The following CLSTN2 variants were observed in gnomAD, a reference collection of about 807,000 sequenced individuals.
CLSTN2 encodes the protein calsyntenin-2.
A neutral mutation model predicts 101.2 loss-of-function variants in CLSTN2; 48 were observed. The ratio of observed to expected loss-of-function variants is 0.47; its 90% CI spans 0.38 to 0.60. The LOEUF is 0.60. Ranked by LOEUF, CLSTN2 falls within the 20% of genes least tolerant of loss-of-function variation. The pLI is 0.00. For synonymous variants in CLSTN2, 481 were observed against 463.6 expected, an observed-to-expected ratio of 1.04 and a Z score of -0.48; for missense variants, 1,160 against 1,238.2, an observed-to-expected ratio of 0.94 and a Z score of 0.95.
chr3:140,402,497 G>A (rs577513158), intron 2 of CLSTN2, among the ~76,000 whole-genome samples: 1 of 152,302 alleles, frequency 6.6e-6, no homozygotes, highest in South Asian at 2.1e-4. Context: ...TACAAAGCTT[G>A]GTGCCTGGTG....
chr3:140,289,801 C>A (rs2086931994), intron 2 of CLSTN2, among the ~76,000 whole-genome samples: 1 of 151,820 alleles, frequency 6.6e-6, no homozygotes, highest in Admixed American at 6.6e-5. Flanking sequence ...TATAACCCTG[C>A]CAATAATCTC....
intron 2 of CLSTN2, among the ~76,000 whole-genome samples, chr3:140,316,360 A>G (rs555968907): frequency 7.4e-4 from 112 of 152,308 alleles, no homozygotes; most frequent in African/African-American, 2.4e-3. Context: ...TGAGCCTTGG[A>G]TGTATCTCAT....
intron 2 of CLSTN2, among the ~76,000 whole-genome samples, chr3:140,381,366 C>T (rs1042750776): frequency 6.6e-6 from 1 of 152,162 alleles, no homozygotes; most frequent in East Asian, 1.9e-4. Context: ...GACTTCAACA[C>T]ATCTTTTTTG....
intron 2 of CLSTN2, among the ~76,000 whole-genome samples, chr3:140,318,987 A>T (rs1159501610): frequency 1.3e-5 from 2 of 152,220 alleles, no homozygotes; most frequent in Non-Finnish European, 2.9e-5. Context: ...GTGAGAATCC[A>T]TAAATAAGAA....
At chr3:139,954,217 G>A (rs1935347504) in intron 1 of CLSTN2, among the ~76,000 whole-genome samples, 1 of 152,142 alleles carries the variant, frequency 6.6e-6, no homozygotes, top group African/African-American at 2.4e-5. Context: ...TACCTATACA[G>A]TAAATCTATT....
rs1228931933 is a variant in CLSTN2 at position 140,574,561 on chromosome 3, G to A, written c.*8308G>A. Reference sequence around the variant, plus strand: ...GAAGTTCAATTCCCAGTAGACTAATGAAAAGAGGGCAACAGACTTGAGAAG... The same window carrying A: ...GAAGTTCAATTCCCAGTAGACTAATAAAAAGAGGGCAACAGACTTGAGAAG... On this transcript the variant is annotated 3_prime_UTR_variant, in exon 17 of 17. Coordinates refer to ENST00000458420, the MANE Select transcript of CLSTN2 (RefSeq NM_022131.3). The A allele has an allele frequency of 6.6e-6, 1 of 152,234 alleles. No homozygotes were observed. Among genetic ancestry groups the A allele is most frequent in the African/African-American group, 2.4e-5 (1 of 41,462 alleles). The allele number at this position is 152,234 out of a possible 1,614,324, so 9.4% of individuals were successfully genotyped here. A position where few individuals can be genotyped will look rare whatever the true frequency, so the allele number is the denominator to read the frequency against.
At chr3:140,495,580 G>A (rs1279446223) in intron 8 of CLSTN2, among the ~76,000 whole-genome samples, 1 of 152,100 alleles carries the variant, frequency 6.6e-6, no homozygotes, top group African/African-American at 2.4e-5. Flanking sequence ...TTCTTCTAGA[G>A]TTTTCATAGT....
In CLSTN2 at chr3:140,563,984, G is replaced by T; in HGVS notation, c.2506G>T (p.Val836Phe). ...AGTGGTCCCAAGCATTGCCACAGTG[G>T]TCATCATCATCTCCGTGTGCATGCT... is the stretch of plus-strand genomic sequence containing the variant. ...SSVVPSIATVVIIISVCMLVF... is the reference protein window; with the variant it reads ...SSVVPSIATVFIIISVCMLVF... The change falls in exon 16 of 17, where the codon GTC becomes TTC. Residue 836 changes from valine to phenylalanine, a missense_variant. Transcript: ENST00000458420. 1 of 1,614,054 alleles carries T rather than the reference G, an allele frequency of 6.2e-7. No individual in the cohort carries two copies.
At position 140,308,602 on chromosome 3, in the gene CLSTN2, G is replaced by T. The variant is rs143833001; in HGVS notation, c.233-95027G>T. On this transcript the variant is annotated intron_variant, in intron 2 of 16. Transcript: ENST00000458420. ...AGCATTGTGTGAGGCATTAAAATCA[G>T]ATTAGTTGGCCTTCCCCAAGAGAAC... Among the ~76,000 whole-genome samples the T allele has an allele frequency of 2.3e-4, 35 of 152,336 alleles. No individual in the cohort carries two copies. The East Asian group carries it at 6.6e-3, about 29-fold the overall frequency.
intron 1 of CLSTN2, among the ~76,000 whole-genome samples, chr3:139,974,037 A>G (rs1186315042): frequency 6.6e-6 from 1 of 152,218 alleles, no homozygotes; most frequent in Non-Finnish European, 1.5e-5. Flanking sequence ...AATTTAGTTT[A>G]GCATTGTGAA....
intron 2 of CLSTN2, among the ~76,000 whole-genome samples, chr3:140,373,660 A>AG (rs2087884271): frequency 1.3e-5 from 2 of 152,018 alleles, no homozygotes; most frequent in South Asian, 2.1e-4. Context: ...ATTAGCTCAG[A>AG]AGAGAGAGAG....
chr3:140,118,862 A>C (rs2009290854), intron 1 of CLSTN2, among the ~76,000 whole-genome samples: 1 of 152,234 alleles, frequency 6.6e-6, no homozygotes, highest in African/African-American at 2.4e-5. Context: ...TGCAATCATT[A>C]TTATCACTTC....
intron 1 of CLSTN2, among the ~76,000 whole-genome samples, chr3:140,084,085 A>G (rs2008641217): frequency 6.6e-6 from 1 of 152,206 alleles, no homozygotes; most frequent in Admixed American, 6.5e-5. Context: ...ACTTTTCATG[A>G]TGCTGCATAT....
Position 140,481,654 on chromosome 3 carries a change from G to A in CLSTN2, c.1344+14923G>A, listed in dbSNP as rs549846748. Among the ~76,000 whole-genome samples the A allele has an allele frequency of 5.9e-3, 893 of 152,090 alleles. 5 individuals carry two copies. Among genetic ancestry groups the A allele is most frequent in the African/African-American group, 0.021 (868 of 41,502 alleles). On this transcript the variant is annotated intron_variant, in intron 8 of 16. Coordinates refer to ENST00000458420, the MANE Select transcript of CLSTN2 (RefSeq NM_022131.3). ...TGTGGTTTGTAGTTCTCCTTGAAGA[G>A]GTCCTTCACATCCCTTGTAAGTTGG...
chr3:139,943,836 G>A (rs1235613740), intron 1 of CLSTN2, among the ~76,000 whole-genome samples: 1 of 152,184 alleles, frequency 6.6e-6, no homozygotes, highest in Non-Finnish European at 1.5e-5. Flanking sequence ...GCAAAGGCCA[G>A]GACTGGAGGT....
intron 1 of CLSTN2, among the ~76,000 whole-genome samples, chr3:140,024,836 A>G (rs939142147): frequency 8.5e-5 from 13 of 152,232 alleles, no homozygotes; most frequent in Admixed American, 5.9e-4. Flanking sequence ...TGAGACTCAA[A>G]TTACTGCAGA....
At chr3:140,172,853 C>G (rs1489359759) in intron 1 of CLSTN2, among the ~76,000 whole-genome samples, 1 of 152,112 alleles carries the variant, frequency 6.6e-6, no homozygotes, top group East Asian at 1.9e-4. Flanking sequence ...GGAGAAACTG[C>G]CCCCATGATT....
At chr3:140,512,409 C>G (rs535865767) in intron 8 of CLSTN2, among the ~76,000 whole-genome samples, 3 of 152,132 alleles carry the variant, frequency 2.0e-5, no homozygotes, top group African/African-American at 7.2e-5. Flanking sequence ...TCAGGTTTGT[C>G]AAAGATCAGA....
intron 2 of CLSTN2, among the ~76,000 whole-genome samples, chr3:140,355,870 G>T (rs1308125135): frequency 6.6e-6 from 1 of 152,192 alleles, no homozygotes; most frequent in African/African-American, 2.4e-5. Flanking sequence ...TTTTTCAGTA[G>T]GCGAGCATGT....
Sources: gnomAD v4.1 joint callset for allele counts (sites outside exome capture counted in the v4.1 genomes callset) on GRCh38, gnomAD v4.1.1 for gene constraint, MANE v1.5 for transcripts, NCBI Gene and HGNC (gene_info 2026-07-23, HGNC 2026-07-21) for gene names.